Variants in ATRNL1 observed in about 807,000 individuals in gnomAD.
The protein encoded by ATRNL1 is attractin like 1, also known as attractin-like protein 1.
In ATRNL1, 95 loss-of-function variants were observed where a neutral mutation model predicts 182.7. The observed-to-expected ratio is 0.52, with a 90% CI of 0.44 to 0.62. ATRNL1 has a LOEUF of 0.62. Among genes scored for constraint, ATRNL1 ranks in the 20% least tolerant of loss-of-function variants. The pLI is 0.00. For synonymous variants in ATRNL1, 576 were observed against 568.3 expected (o/e 1.01, Z -0.19); for missense variants, 1,471 against 1,679.5 (o/e 0.88, Z 2.17).
Position 115,948,461 on chromosome 10 carries a change from A to G in ATRNL1, c.*3682A>G, listed in dbSNP as rs1438135268. The G allele has an allele frequency of 6.6e-6, 1 of 152,262 alleles. No individual in the cohort carries two copies. Among genetic ancestry groups the G allele is most frequent in the Non-Finnish European group, 1.5e-5 (1 of 68,044 alleles). The allele number at this position is 152,262 out of a possible 1,614,324, so 9.4% of individuals were successfully genotyped here. A position where few individuals can be genotyped will look rare whatever the true frequency, so the allele number is the denominator to read the frequency against. ...TTTCAAAACCCATTTGCCGTATACT[A>G]GAGTGAGCTTGGAAACTTACCTGAT... On this transcript the variant is annotated 3_prime_UTR_variant, in exon 29 of 29. Coordinates refer to ENST00000355044, the MANE Select transcript of ATRNL1 (RefSeq NM_207303.4).
intron 28 of ATRNL1, among the ~76,000 whole-genome samples, chr10:115,890,577 T>G (rs1589654387): frequency 6.6e-6 from 1 of 152,166 alleles, no homozygotes; most frequent in Non-Finnish European, 1.5e-5. Flanking sequence ...TGCATTAAGT[T>G]TACCTGCAAC....
At chr10:115,140,527 A>G (rs1199364357) in intron 5 of ATRNL1, among the ~76,000 whole-genome samples, 1 of 152,018 alleles carries the variant, frequency 6.6e-6, no homozygotes, top group African/African-American at 2.4e-5. Flanking sequence ...ATTACAACAG[A>G]TTTTTTTTCC....
At position 115,661,064 on chromosome 10, in the gene ATRNL1, A is replaced by G. The variant is rs185135871; in HGVS notation, c.3796-66184A>G. Among the ~76,000 whole-genome samples the G allele has an allele frequency of 5.8e-4, 88 of 152,278 alleles. 1 individual carries two copies. In the East Asian group the frequency reaches 0.013, roughly 22 times the overall value. ...TCTTTCTTACTAGCTTGATCCCTAA[A>G]AAGGCAAAGACTATATTTTTTTTGT... On this transcript the variant is annotated intron_variant, in intron 26 of 28. Transcript: ENST00000355044.
intron 9 of ATRNL1, among the ~76,000 whole-genome samples, chr10:115,217,890 G>A (rs530982411): frequency 1.3e-5 from 2 of 151,978 alleles, no homozygotes; most frequent in Non-Finnish European, 2.9e-5. Flanking sequence ...AAAATTTGTA[G>A]TATTCTTTAA....
At chr10:115,506,932 A>G (rs1850143960) in intron 24 of ATRNL1, among the ~76,000 whole-genome samples, 1 of 152,118 alleles carries the variant, frequency 6.6e-6, no homozygotes, top group South Asian at 2.1e-4. Flanking sequence ...GGTTGAGGAC[A>G]TGTGCCTGTG....
At chr10:115,134,765 A>G (rs906873187) in intron 5 of ATRNL1, among the ~76,000 whole-genome samples, 1 of 152,230 alleles carries the variant, frequency 6.6e-6, no homozygotes, top group South Asian at 2.1e-4. Context: ...TCTCTGATGA[A>G]CATCAATGCA....
chr10:115,717,548 C>CTTTTTTTTTTTTTT lies in ATRNL1; in HGVS notation c.3796-9692_3796-9679dup, dbSNP rs61386440. Among the ~76,000 whole-genome samples, 107 of 84,344 alleles carry CTTTTTTTTTTTTTT rather than the reference C, an allele frequency of 1.3e-3. 14 individuals are homozygous for CTTTTTTTTTTTTTT. The highest frequency in any genetic ancestry group is 4.6e-3 in the East Asian group (11 of 2,386). 55.3% of individuals were successfully genotyped at this position (84,344 alleles called of 152,430 possible). The stretch of plus-strand genomic sequence containing the variant: ...TGATTTTCCCGCTGCCTGAAATGTT[C>CTTTTTTTTTTTTTT]TTTTTTTTTTTTTTTTTTTTTGAGA... On this transcript the variant is annotated intron_variant, in intron 26 of 28. Transcript: ENST00000355044.
intron 10 of ATRNL1, among the ~76,000 whole-genome samples, chr10:115,248,242 C>A (rs1356663100): frequency 6.6e-6 from 1 of 152,078 alleles, no homozygotes; most frequent in Admixed American, 6.6e-5. Context: ...CTGATCTGAT[C>A]ACTATACATT....
At chr10:115,187,931 C>T (rs1012520623) in intron 8 of ATRNL1, among the ~76,000 whole-genome samples, 6 of 151,608 alleles carry the variant, frequency 4.0e-5, no homozygotes, top group African/African-American at 1.2e-4. Context: ...CCACCCACCT[C>T]GGTCTCCCAA....
chr10:115,839,160 A>G (rs1332039406), intron 27 of ATRNL1, among the ~76,000 whole-genome samples: 2 of 152,148 alleles, frequency 1.3e-5, no homozygotes, highest in African/African-American at 2.4e-5. Context: ...TCAGGAATAA[A>G]TGTTTTAATT....
chr10:115,305,605 G>A (rs1365912175), intron 17 of ATRNL1, among the ~76,000 whole-genome samples: 9 of 152,080 alleles, frequency 5.9e-5, no homozygotes, highest in Admixed American at 2.6e-4. Flanking sequence ...GAGACAATGC[G>A]CACCTTCTCC....
chr10:115,638,509 A>G (rs1255633724), intron 26 of ATRNL1, among the ~76,000 whole-genome samples: 2 of 152,212 alleles, frequency 1.3e-5, no homozygotes, highest in East Asian at 3.9e-4. Flanking sequence ...AGGCAAATCC[A>G]GAGGCAAAAA....
At chr10:115,851,156 A>G (rs1555100417) in intron 28 of ATRNL1, among the ~76,000 whole-genome samples, 2 of 152,068 alleles carry the variant, frequency 1.3e-5, no homozygotes, top group Admixed American at 1.3e-4. Flanking sequence ...TTGAAATGTA[A>G]CTTACTAAAT....
At chr10:115,493,113 T>G (rs961289251) in intron 24 of ATRNL1, among the ~76,000 whole-genome samples, 4 of 152,198 alleles carry the variant, frequency 2.6e-5, no homozygotes, top group Admixed American at 6.5e-5. Flanking sequence ...GTTATTTATT[T>G]CTTATCAACT....
chr10:115,574,094 T>C (rs1555004348), intron 26 of ATRNL1, among the ~76,000 whole-genome samples: 1 of 152,032 alleles, frequency 6.6e-6, no homozygotes, highest in Non-Finnish European at 1.5e-5. Flanking sequence ...ATGATTCTGT[T>C]TGTCTTACTT....
At chr10:115,812,995 G>A (rs1950082107) in intron 27 of ATRNL1, among the ~76,000 whole-genome samples, 1 of 152,072 alleles carries the variant, frequency 6.6e-6, no homozygotes, top group South Asian at 2.1e-4. Flanking sequence ...GAGTGAATAT[G>A]GATGTCTTCT....
In ATRNL1 at chr10:115,549,425, T is replaced by C. The variant is rs115551477; in HGVS notation, c.3717-33T>C. 2,912 of 1,547,174 alleles carry C rather than the reference T, an allele frequency of 1.9e-3. 57 individuals are homozygous for C. In the African/African-American group the frequency reaches 0.035, roughly 19 times the overall value. The stretch of plus-strand genomic sequence containing the variant: ...TTTCATTACATAGTTCAAATAAGTT[T>C]TGAGCAAAAATTATTTGTGTTTTAT... On this transcript the variant is annotated intron_variant, in intron 25 of 28. Coordinates refer to ENST00000355044, the MANE Select transcript of ATRNL1 (RefSeq NM_207303.4).
chr10:115,798,164 A>G (rs887556677), intron 27 of ATRNL1, among the ~76,000 whole-genome samples: 13 of 152,038 alleles, frequency 8.6e-5, no homozygotes, highest in Middle Eastern at 3.4e-3. Flanking sequence ...TGATCCGCCC[A>G]CCTCGGCCTC....
intron 8 of ATRNL1, among the ~76,000 whole-genome samples, chr10:115,178,352 A>C (rs1847617196): frequency 1.3e-5 from 2 of 152,132 alleles, no homozygotes; most frequent in South Asian, 4.1e-4. Context: ...TTAATGAAGA[A>C]ATCAGCTTGC....
Sources: gnomAD v4.1 joint callset for allele counts (sites outside exome capture counted in the v4.1 genomes callset) on GRCh38, gnomAD v4.1.1 for gene constraint, MANE v1.5 for transcripts, NCBI Gene and HGNC (gene_info 2026-07-23, HGNC 2026-07-21) for gene names.